The following ERH variants were observed in gnomAD, a reference collection of about 807,000 sequenced individuals.
The protein encoded by ERH is ERH mRNA splicing and mitosis factor.
A neutral mutation model predicts 16.8 loss-of-function variants in ERH; 1 was observed. The ratio of observed to expected loss-of-function variants is 0.06; its 90% CI spans 0.02 to 0.28. The LOEUF is 0.28. Ranked by LOEUF, ERH falls within the 10% of genes least tolerant of loss-of-function variation. The probability of loss-of-function intolerance (pLI) is 1.00; values close to 1 mark genes in which losing one functional copy is unlikely to be tolerated. For missense variants in ERH, 42 were observed against 127.5 expected (o/e 0.33, Z 3.23); for synonymous variants, 43 against 43.6 (o/e 0.99, Z 0.05).
rs796266225 is a variant in ERH at position 69,380,328 on chromosome 14, TAAAA to T, written c.*206_*209del. ...CTAAATCATCATAAAAATGTTTAAG[TAAAA>T]AAAAAAAAAGAAAGAGAAAGAAAAA... On this transcript the variant is annotated 3_prime_UTR_variant, in exon 4 of 4. Coordinates refer to ENST00000557016, the MANE Select transcript of ERH (RefSeq NM_004450.3). 6 of 360,020 alleles carry T rather than the reference TAAAA, an allele frequency of 1.7e-5. No homozygotes were observed. Among genetic ancestry groups the T allele is most frequent in the Non-Finnish European group, 1.9e-5 (4 of 205,460 alleles). The allele number at this position is 360,020 out of a possible 1,614,324, so 22.3% of individuals were successfully genotyped here.
intron 2 of ERH, among the ~76,000 whole-genome samples, chr14:69,387,434 C>T (rs1465103141): frequency 6.6e-6 from 1 of 152,110 alleles, no homozygotes; most frequent in Non-Finnish European, 1.5e-5. Flanking sequence ...ATGGCGTGTG[C>T]TTGTGGTCCC....
intron 3 of ERH, among the ~76,000 whole-genome samples, chr14:69,382,570 A>G (rs2045868860): frequency 6.6e-6 from 1 of 152,146 alleles, no homozygotes; most frequent in Admixed American, 6.6e-5. Flanking sequence ...CCAGTGGCTC[A>G]TGCCTGTAAT....
rs1882402019 is a variant in ERH, at chr14:69,397,967, G to A, written c.3+264C>T. 8.5e-6 allele frequency: 5 copies of A among 590,982 alleles called. No homozygotes were observed. The Admixed American group carries it at 9.0e-5, about 11-fold the overall frequency. 36.6% of individuals were successfully genotyped at this position (590,982 alleles called of 1,614,324 possible). On this transcript the variant is annotated intron_variant, in intron 1 of 3. Transcript: ENST00000557016. ...CGTCTCCCTCTACCGAGTAACAATC[G>A]GGAGAGAGTTCATCCTCAGGCCCAA...
chr14:69,397,713 G>C (rs947711777), intron 1 of ERH, among the ~76,000 whole-genome samples: 2 of 152,268 alleles, frequency 1.3e-5, no homozygotes, highest in East Asian at 3.9e-4. Flanking sequence ...GAGGTCAGGA[G>C]TTCGAGACCA....
chr14:69,380,522 A>ACTGG lies in ERH; in HGVS notation c.*15_*16insCCAG. 1 of 720,804 alleles carries ACTGG rather than the reference A, an allele frequency of 1.4e-6. No individual in the cohort carries two copies. Among genetic ancestry groups the ACTGG allele is most frequent in the Non-Finnish European group, 2.4e-6 (1 of 424,972 alleles). 44.7% of individuals were successfully genotyped at this position (720,804 alleles called of 1,614,324 possible). ...GTTCCAAGCCCACCCCAACCCCCCC[A>ACTGG]GTGCTTCCAACACAATTATTTCCCA... On this transcript the variant is annotated 3_prime_UTR_variant, in exon 4 of 4. Transcript: ENST00000557016.
At chr14:69,391,409 G>A (rs2045923108) in intron 2 of ERH, among the ~76,000 whole-genome samples, 1 of 152,040 alleles carries the variant, frequency 6.6e-6, no homozygotes, top group Non-Finnish European at 1.5e-5. Flanking sequence ...ACTTTGGGAG[G>A]CTGAGGTGGA....
intron 3 of ERH, 98 bp downstream of exon 3, chr14:69,386,865 A>G (rs2045896293): frequency 1.8e-6 from 2 of 1,113,012 alleles, no homozygotes; most frequent in South Asian, 2.9e-5. Context: ...AAAGATCAGT[A>G]TCAGGCACAT....
At position 69,386,960 on chromosome 14, in the gene ERH, T is replaced by C. The variant is rs2045897000; in HGVS notation, c.212+3A>G. The C allele has an allele frequency of 3.7e-6, 6 of 1,613,134 alleles. No homozygotes were observed. The highest frequency in any genetic ancestry group is 5.1e-6 in the Non-Finnish European group (6 of 1,179,848). ...GATAAAAGACATGTTGGCTAATACT[T>C]ACACCAGGCAGCTGAGGTCTGCCAG... is the stretch of plus-strand genomic sequence containing the variant. On this transcript the variant is annotated splice_donor_region_variant and intron_variant, in intron 3 of 3. Transcript: ENST00000557016.
intron 1 of ERH, among the ~76,000 whole-genome samples, chr14:69,397,449 C>T (rs1385557793): frequency 8.8e-6 from 1 of 113,988 alleles, no homozygotes; most frequent in East Asian, 2.2e-4. Context: ...GTCTCAAAAA[C>T]AGGAAAAAAA....
intron 2 of ERH, among the ~76,000 whole-genome samples, chr14:69,390,386 G>GA (rs2045917626): frequency 6.6e-6 from 1 of 152,172 alleles, no homozygotes; most frequent in Non-Finnish European, 1.5e-5. Flanking sequence ...GAACAGAAAT[G>GA]AGAGTCCAGA....
intron 2 of ERH, among the ~76,000 whole-genome samples, chr14:69,391,911 A>T (rs1294659068): frequency 6.6e-6 from 1 of 152,166 alleles, no homozygotes; most frequent in Non-Finnish European, 1.5e-5. Context: ...AACCCACAGA[A>T]TGTTCAACAC....
Position 69,398,258 on chromosome 14 carries a change from C to A in ERH, c.-25G>T, listed in dbSNP as rs748028634. The A allele has an allele frequency of 6.2e-7, 1 of 1,613,368 alleles. No homozygotes were observed. The highest frequency in any genetic ancestry group is 8.5e-7 in the Non-Finnish European group (1 of 1,179,872). ...TCGCGCCAAACTCTCTTCGCTACAG[C>A]AGCTGCCGACACCGCCGCCGTTACA... On this transcript the variant is annotated 5_prime_UTR_variant, in exon 1 of 4. Coordinates refer to ENST00000557016, the MANE Select transcript of ERH (RefSeq NM_004450.3).
chr14:69,382,746 G>C (rs1442271378), intron 3 of ERH, among the ~76,000 whole-genome samples: 3 of 151,000 alleles, frequency 2.0e-5, no homozygotes, highest in Non-Finnish European at 4.4e-5. Context: ...GGCTGAGGCA[G>C]GAGAATCGCT....
At chr14:69,395,563 A>AT (rs1167310445) in intron 1 of ERH, among the ~76,000 whole-genome samples, 15 of 152,236 alleles carry the variant, frequency 9.9e-5, no homozygotes, top group Admixed American at 4.6e-4. Flanking sequence ...TAAGTCACTA[A>AT]TAAAAACTCA....
At chr14:69,395,126 G>A (rs1825855569) in intron 1 of ERH, among the ~76,000 whole-genome samples, 1 of 151,998 alleles carries the variant, frequency 6.6e-6, no homozygotes, top group African/African-American at 2.4e-5. Flanking sequence ...ACCAACCTGG[G>A]CAACATAGCA....
At position 69,387,135 on chromosome 14, in the gene ERH, GA is replaced by G. The variant is rs761902121; in HGVS notation, c.92-53del. ...AATCTTACAATCGCATACACTTCTA[GA>G]TATGAGCAGTGCTTATGAGCTGTGC... is the stretch of plus-strand genomic sequence containing the variant. On this transcript the variant is annotated intron_variant, in intron 2 of 3. Coordinates refer to ENST00000557016, the MANE Select transcript of ERH (RefSeq NM_004450.3). 29 of 1,512,514 alleles carry G rather than the reference GA, an allele frequency of 1.9e-5. No individual in the cohort carries two copies. In the African/African-American group the frequency reaches 3.7e-4, roughly 19 times the overall value. 93.7% of individuals were successfully genotyped at this position (1,512,514 alleles called of 1,614,324 possible).
intron 2 of ERH, among the ~76,000 whole-genome samples, chr14:69,392,453 T>C (rs999258980): frequency 3.9e-5 from 6 of 152,152 alleles, no homozygotes; most frequent in African/African-American, 1.4e-4. Flanking sequence ...TCCAACTATA[T>C]GACATTCTGG....
At chr14:69,380,758 T>C (rs1225403770) in intron 3 of ERH, 118 bp from the exon 4 acceptor site, 1 of 599,646 alleles carries the variant, frequency 1.7e-6, no homozygotes, top group Non-Finnish European at 3.0e-6. Context: ...AAAATGAACT[T>C]AATGAAAAGC....
chr14:69,383,866 A>G (rs1399308367), intron 3 of ERH, among the ~76,000 whole-genome samples: 1 of 152,188 alleles, frequency 6.6e-6, no homozygotes, highest in African/African-American at 2.4e-5. Context: ...AGTCTAATGC[A>G]GCCGGGCACA....
Sources: gnomAD v4.1 joint callset for allele counts (sites outside exome capture counted in the v4.1 genomes callset) on GRCh38, gnomAD v4.1.1 for gene constraint, MANE v1.5 for transcripts, NCBI Gene and HGNC (gene_info 2026-07-23, HGNC 2026-07-21) for gene names.